ASTN2: variants seen among roughly 807,000 people sequenced by gnomAD.
ASTN2 encodes astrotactin-2.
A neutral mutation model predicts 139.8 loss-of-function variants in ASTN2; 54 were observed. The ratio of observed to expected loss-of-function variants is 0.39; its 90% confidence interval spans 0.31 to 0.48. ASTN2 has a LOEUF of 0.48. Among genes scored for constraint, ASTN2 ranks in the 20% least tolerant of loss-of-function variants. The probability of loss-of-function intolerance (pLI) is 0.95; values close to 1 mark genes in which losing one functional copy is unlikely to be tolerated. For missense variants in ASTN2, 1,565 were observed against 1,725.1 expected (o/e 0.91, Z 1.64); for synonymous variants, 756 against 719.5 (o/e 1.05, Z -0.81).
intron 19 of ASTN2, among the ~76,000 whole-genome samples, chr9:116,572,377 C>G (rs1239516061): frequency 6.6e-6 from 1 of 152,172 alleles, no homozygotes; most frequent in Non-Finnish European, 1.5e-5. Context: ...ATGAACACCA[C>G]TGGAAACAGA....
intron 4 of ASTN2, among the ~76,000 whole-genome samples, chr9:117,106,123 G>A (rs1404880586): frequency 1.3e-5 from 2 of 152,182 alleles, no homozygotes; most frequent in African/African-American, 2.4e-5. Context: ...CTTTTGAAAT[G>A]GTAGAGTCAG....
chr9:117,371,595 A>G lies in ASTN2; in HGVS notation c.442+42902T>C, dbSNP rs550289977. On this transcript the variant is annotated intron_variant, in intron 1 of 22. Coordinates refer to ENST00000313400, the MANE Select transcript of ASTN2 (RefSeq NM_001365068.1). ...TGTGTGACCTTCAGCAAGGCTCAGA[A>G]TCTCCTTGTGCCTCAATTTCTTGAT... is the stretch of plus-strand genomic sequence containing the variant. 2.1e-3 allele frequency among the ~76,000 whole-genome samples: 316 copies of G among 152,252 alleles called. 2 individuals carry two copies. Among genetic ancestry groups the G allele is most frequent in the Admixed American group, 3.5e-3 (53 of 15,278 alleles).
chr9:116,925,534 C>G (rs997488191), intron 10 of ASTN2, among the ~76,000 whole-genome samples: 1 of 152,156 alleles, frequency 6.6e-6, no homozygotes, highest in Non-Finnish European at 1.5e-5. Flanking sequence ...TACACACATA[C>G]TCACATGTAC....
chr9:116,712,824 T>A (rs1483038534), intron 16 of ASTN2, among the ~76,000 whole-genome samples: 1 of 152,192 alleles, frequency 6.6e-6, no homozygotes, highest in East Asian at 1.9e-4. Context: ...ATGAAATATA[T>A]CTCAATAAAG....
rs542601637 is a variant in ASTN2, at chr9:116,991,508, C to CAT, written c.1592-14725_1592-14724dup. Among the ~76,000 whole-genome samples, 89 of 151,648 alleles carry CAT rather than the reference C, an allele frequency of 5.9e-4. 1 individual carries two copies. The highest frequency in any genetic ancestry group is 5.6e-3 in the East Asian group (29 of 5,146). On this transcript the variant is annotated intron_variant, in intron 7 of 22. Transcript: ENST00000313400. ...CCATATGTTGAACACATATCTTTTC[C>CAT]ATATAATGTAGCAGATACTTCGTAC...
In ASTN2 at chr9:116,424,361, T is replaced by C. The variant is rs1847251369; in HGVS notation, c.*1490A>G. Among the ~76,000 whole-genome samples the C allele has an allele frequency of 6.6e-6, 1 of 152,156 alleles. No individual in the cohort carries two copies. The highest frequency in any genetic ancestry group is 2.1e-4 in the South Asian group (1 of 4,826). ...CTTCACCCTGTAGTGAGAATGATTT[T>C]CTTAAAGAGTAAGTTGACTATTTAG... On this transcript the variant is annotated 3_prime_UTR_variant, in exon 23 of 23. Transcript: ENST00000313400.
rs1403243762 is a variant in ASTN2 at position 116,820,612 on chromosome 9, C to T, written c.2207+5G>A. ...GGCACCTGGGCCTTGGGGACAGAGA[C>T]TCACCCGCAGAACATGAAGATGGTG... On this transcript the variant is annotated splice_donor_5th_base_variant and intron_variant, in intron 12 of 22. Transcript: ENST00000313400. The T allele has an allele frequency of 1.2e-6, 2 of 1,612,366 alleles. No homozygotes were observed. The highest frequency in any genetic ancestry group is 1.7e-6 in the Non-Finnish European group (2 of 1,179,004).
intron 11 of ASTN2, among the ~76,000 whole-genome samples, chr9:116,846,090 A>G (rs745575941): frequency 6.6e-6 from 1 of 152,224 alleles, no homozygotes; most frequent in Admixed American, 6.5e-5. Context: ...TGCTAAGTGA[A>G]ATAAGCCAGT....
chr9:116,775,127 C>T (rs1456475971), intron 13 of ASTN2, among the ~76,000 whole-genome samples: 2 of 152,072 alleles, frequency 1.3e-5, no homozygotes, highest in Admixed American at 1.3e-4. Flanking sequence ...TCGGAAAAGA[C>T]TATCTGTTAT....
chr9:116,498,804 T>C (rs941206568), intron 19 of ASTN2, among the ~76,000 whole-genome samples: 2 of 152,184 alleles, frequency 1.3e-5, no homozygotes, highest in South Asian at 2.1e-4. Flanking sequence ...TCCAAGGACA[T>C]AGCAGGGCAC....
intron 19 of ASTN2, among the ~76,000 whole-genome samples, chr9:116,490,090 G>T (rs931864243): frequency 6.6e-6 from 1 of 151,790 alleles, no homozygotes; most frequent in African/African-American, 2.4e-5. Context: ...AAGATGCCTA[G>T]AACCAGAGGT....
intron 2 of ASTN2, among the ~76,000 whole-genome samples, chr9:117,224,271 T>G (rs1260480354): frequency 6.6e-6 from 1 of 152,232 alleles, no homozygotes; most frequent in East Asian, 1.9e-4. Flanking sequence ...CATCTGTGAA[T>G]TGGGTTACTA....
At chr9:117,020,025 T>C (rs1035350965) in intron 6 of ASTN2, among the ~76,000 whole-genome samples, 1 of 151,338 alleles carries the variant, frequency 6.6e-6, no homozygotes, top group African/African-American at 2.4e-5. Context: ...TGTGTGTGTG[T>C]GTGTGTGTGT....
At chr9:116,730,406 C>A (rs184724081) in intron 14 of ASTN2, among the ~76,000 whole-genome samples, 2 of 151,900 alleles carry the variant, frequency 1.3e-5, no homozygotes, top group Admixed American at 1.3e-4. Flanking sequence ...TTTTTAGAGG[C>A]TTTCATTTTA....
chr9:116,596,548 G>T (rs1437980993), intron 19 of ASTN2, among the ~76,000 whole-genome samples: 1 of 152,096 alleles, frequency 6.6e-6, no homozygotes, highest in African/African-American at 2.4e-5. Context: ...ATGGATACAC[G>T]CACATGTCCA....
intron 2 of ASTN2, among the ~76,000 whole-genome samples, chr9:117,282,137 C>T (rs1441815894): frequency 6.6e-6 from 1 of 152,034 alleles, no homozygotes; most frequent in African/African-American, 2.4e-5. Context: ...CTTTATTTTT[C>T]TATGTCTCTC....
intron 1 of ASTN2, among the ~76,000 whole-genome samples, chr9:117,357,313 T>G (rs1829566991): frequency 6.6e-6 from 1 of 152,146 alleles, no homozygotes; most frequent in African/African-American, 2.4e-5. Context: ...CGTAATGTTT[T>G]TATTAAGGAA....
chr9:117,083,439 T>A (rs569375465), intron 5 of ASTN2, among the ~76,000 whole-genome samples: 1 of 152,198 alleles, frequency 6.6e-6, no homozygotes, highest in South Asian at 2.1e-4. Flanking sequence ...GCCCAAAATC[T>A]CCCAAACTGA....
At chr9:116,854,543 G>T (rs1047628027) in intron 11 of ASTN2, among the ~76,000 whole-genome samples, 3 of 152,152 alleles carry the variant, frequency 2.0e-5, no homozygotes, top group African/African-American at 7.2e-5. Flanking sequence ...GGATGGTAGT[G>T]GGAGATGGTA....
Sources: allele counts gnomAD v4.1 joint callset (sites outside exome capture counted in the v4.1 genomes callset), GRCh38; gene constraint gnomAD v4.1.1; transcripts MANE v1.5; gene names NCBI Gene and HGNC (gene_info 2026-07-23, HGNC 2026-07-21).